Variants in MARF1 observed in about 807,000 individuals in gnomAD.
MARF1 encodes the protein meiosis regulator and mRNA stability factor 1, also known as limkain-b1.
MARF1 carries 24 observed loss-of-function variants against 168.2 expected under a neutral mutation model. The ratio of observed to expected loss-of-function variants is 0.14; its 90% CI spans 0.10 to 0.20. The LOEUF is 0.20. Among genes scored for constraint, MARF1 ranks in the 10% least tolerant of loss-of-function variants. The pLI is 1.00. For missense variants in MARF1, 1,744 were observed against 2,143.6 expected (o/e 0.81, Z 3.68); for synonymous variants, 868 against 822.4 (o/e 1.06, Z -0.95).
In MARF1 at chr16:15,636,237, G is replaced by A. The variant is rs557220118; in HGVS notation, c.250C>T (p.Arg84Cys). The A allele has an allele frequency of 9.3e-5, 150 of 1,614,080 alleles. No individual in the cohort carries two copies. The highest frequency in any genetic ancestry group is 1.2e-4 in the Non-Finnish European group (141 of 1,180,024). Reference protein sequence around the residue: ...LFPAVPLPDIRSLQQPKIQLS... With the variant: ...LFPAVPLPDICSLQQPKIQLS... ...TGTATTTTAGGCTGCTGAAGAGAAC[G>A]AATATCAGGAAGTGGGACTGCTGGA... Residue 84 changes from arginine (R) to cysteine (C), a missense_variant, in exon 3 of 27, where the codon CGT (arginine) becomes TGT (cysteine). Arg to Cys is a radical substitution (Grantham distance 180, BLOSUM62 -3). Coordinates refer to ENST00000396368, the MANE Select transcript of MARF1 (RefSeq NM_014647.4).
At chr16:15,614,257 C>T (rs867664008) in intron 16 of MARF1, among the ~76,000 whole-genome samples, 5 of 151,108 alleles carry the variant, frequency 3.3e-5, no homozygotes, top group South Asian at 2.1e-4. Flanking sequence ...CTGAGGCGGG[C>T]GGATCACGAG....
At chr16:15,641,387 A>C (rs971842148) in intron 1 of MARF1, among the ~76,000 whole-genome samples, 46 of 152,204 alleles carry the variant, frequency 3.0e-4, no homozygotes, top group Non-Finnish European at 6.2e-4. Flanking sequence ...TATGTCCCCC[A>C]AAAAACTCCT....
intron 21 of MARF1, among the ~76,000 whole-genome samples, chr16:15,606,878 C>T (rs1266841617): frequency 6.6e-6 from 1 of 152,178 alleles, no homozygotes; most frequent in Non-Finnish European, 1.5e-5. Flanking sequence ...CTAGCTGCTG[C>T]CACAGCCCTC....
intron 2 of MARF1, 85 bp downstream of exon 2, chr16:15,639,005 G>A: frequency 1.5e-6 from 2 of 1,356,886 alleles, no homozygotes; most frequent in Non-Finnish European, 2.0e-6. Context: ...ACTCTAGGAT[G>A]AGAGACTGTA....
chr16:15,635,237 T>C (rs772688284), intron 3 of MARF1: 26 of 414,050 alleles, frequency 6.3e-5, no homozygotes, highest in Non-Finnish European at 9.9e-5. Flanking sequence ...AAAGTCTCAC[T>C]TGAACACCAA....
chr16:15,624,442 T>C (rs1196265258), intron 10 of MARF1, among the ~76,000 whole-genome samples: 1 of 152,192 alleles, frequency 6.6e-6, no homozygotes, highest in Non-Finnish European at 1.5e-5. Flanking sequence ...GAACCACCAA[T>C]GCACGGCTCG....
At chr16:15,630,554 T>C (rs2035180453) in intron 6 of MARF1, 50 bp from the exon 7 acceptor site, 2 of 1,523,748 alleles carry the variant, frequency 1.3e-6, no homozygotes, top group Non-Finnish European at 1.8e-6. Context: ...TAGAAACACT[T>C]GACAAAGACA....
chr16:15,598,642 G>A (rs567907304), intron 26 of MARF1, among the ~76,000 whole-genome samples: 6 of 150,344 alleles, frequency 4.0e-5, no homozygotes, highest in Non-Finnish European at 3.0e-5. Context: ...CTGCCAAATC[G>A]CCCTTGCCTG....
At chr16:15,629,433 G>A (rs563018667) in intron 7 of MARF1, among the ~76,000 whole-genome samples, 7 of 152,198 alleles carry the variant, frequency 4.6e-5, no homozygotes, top group African/African-American at 1.4e-4. Context: ...CAGGATACCC[G>A]GGGCCCACTC....
chr16:15,609,790 C>T lies in MARF1; in HGVS notation c.3752-65G>A, dbSNP rs1056804538. 5.3e-6 allele frequency: 7 copies of T among 1,311,168 alleles called. No individual in the cohort carries two copies. The African/African-American group carries it at 7.4e-5, about 14-fold the overall frequency. The allele number at this position is 1,311,168 out of a possible 1,614,324, so 81.2% of individuals were successfully genotyped here. A position where few individuals can be genotyped will look rare whatever the true frequency, so the allele number is the denominator to read the frequency against. On this transcript the variant is annotated intron_variant, in intron 19 of 26. Transcript: ENST00000396368. ...TCTACCCATTTGTGTTCAACATCCA[C>T]ACTAGAGTAAATCCTTTTGGGAATT...
intron 7 of MARF1, among the ~76,000 whole-genome samples, chr16:15,629,211 A>C (rs1381862018): frequency 6.6e-6 from 1 of 152,186 alleles, no homozygotes; most frequent in Non-Finnish European, 1.5e-5. Context: ...AAATGTAACT[A>C]CAGCCAAGTG....
intron 21 of MARF1, among the ~76,000 whole-genome samples, chr16:15,607,881 G>A (rs1267481954): frequency 6.6e-6 from 1 of 152,178 alleles, no homozygotes; most frequent in Non-Finnish European, 1.5e-5. Context: ...CTCCTAAGTG[G>A]GTGAGAATGT....
Position 15,617,121 on chromosome 16 carries a change from G to C in MARF1, c.3008C>G (p.Ser1003Cys). Residue 1003 changes from serine to cysteine, a missense_variant, in exon 15 of 27, where the codon TCT (serine) becomes TGT (cysteine). Physicochemically the swap from Ser to Cys is moderately radical, Grantham distance 112. Coordinates refer to ENST00000396368, the MANE Select transcript of MARF1 (RefSeq NM_014647.4). Reference protein sequence around the residue: ...DSYKIPFVILSLKTFAPQVHS... With the variant: ...DSYKIPFVILCLKTFAPQVHS... ...AACCTGGGGCGCAAATGTCTTCAAA[G>C]AAAGAATCACAAAAGGAATCTTGTA... 1.2e-6 allele frequency: 2 copies of C among 1,614,098 alleles called. No homozygotes were observed. The highest frequency in any genetic ancestry group is 2.2e-5 in the East Asian group (1 of 44,876).
intron 25 of MARF1, 54 bp downstream of exon 25, chr16:15,600,374 G>A: frequency 1.2e-6 from 2 of 1,609,592 alleles, no homozygotes; most frequent in Non-Finnish European, 1.7e-6. Context: ...CGACCCCAAA[G>A]CCGTTTCTCC....
Position 15,611,697 on chromosome 16 carries a change from G to T in MARF1, c.3512C>A (p.Thr1171Asn), listed in dbSNP as rs1331177272. 1.2e-6 allele frequency: 2 copies of T among 1,614,152 alleles called. No homozygotes were observed. The highest frequency in any genetic ancestry group is 1.7e-6 in the Non-Finnish European group (2 of 1,180,004). Residue 1171 changes from threonine to asparagine, a missense_variant, in exon 18 of 27, where the codon ACC (threonine) becomes AAC (asparagine). By Grantham distance (65) the Thr-to-Asn change is moderately conservative (BLOSUM62 0). This residue lies in a region of MARF1 where 543 missense variants were observed against 742.1 expected (regional missense o/e 0.73). Transcript: ENST00000396368. ...GMGSKRLLTL[T>N]HRAQVKRFTQ... Reference sequence around the variant, plus strand: ...AAAGCGCTTCACCTGGGCCCTGTGGGTAAGGGTCAGCAGACGTTTGGAGCC... The same window carrying T: ...AAAGCGCTTCACCTGGGCCCTGTGGTTAAGGGTCAGCAGACGTTTGGAGCC...
intron 16 of MARF1, among the ~76,000 whole-genome samples, chr16:15,613,843 A>G (rs140338549): frequency 1.3e-5 from 2 of 152,256 alleles, no homozygotes; most frequent in Middle Eastern, 3.4e-3. Flanking sequence ...CATTCCTAAG[A>G]GCAGGCTGAC....
intron 22 of MARF1, 169 bp from the exon 23 acceptor site, chr16:15,602,372 CGAAGAA>C (rs1042467391): frequency 1.6e-6 from 1 of 624,316 alleles, no homozygotes; most frequent in African/African-American, 1.9e-5. Flanking sequence ...ACAAAGATGA[CGAAGAA>C]GAAGGAGACG....
chr16:15,608,917 A>G (rs908985646), intron 20 of MARF1, among the ~76,000 whole-genome samples: 5 of 152,224 alleles, frequency 3.3e-5, no homozygotes, highest in Non-Finnish European at 5.9e-5. Flanking sequence ...AAGGATTTTA[A>G]AAGTATAAAA....
rs370485027 is a variant in MARF1 at position 15,631,493 on chromosome 16, G to A, written c.1239C>T (p.Thr413=). 67 of 1,606,940 alleles carry A rather than the reference G, an allele frequency of 4.2e-5. No individual in the cohort carries two copies. The East Asian group carries it at 6.7e-4, about 16-fold the overall frequency. The part of the protein sequence containing the change: ...VIQELNNCQV[T]VAHINATAKN... ...TTGCAGTAGCATTGATGTGGGCAAC[G>A]GTTACCTGCATTAATTTATAATAAG... The change falls in exon 6 of 27, where the codon ACC becomes ACT. Residue 413 remains threonine (T), a synonymous_variant. Coordinates refer to ENST00000396368, the MANE Select transcript of MARF1 (RefSeq NM_014647.4).
Sources: allele counts gnomAD v4.1 joint callset (sites outside exome capture counted in the v4.1 genomes callset), GRCh38; gene constraint gnomAD v4.1.1; regional missense constraint gnomAD v4.1.1; transcripts MANE v1.5; gene names NCBI Gene and HGNC (gene_info 2026-07-23, HGNC 2026-07-21).